Variants in RTL4 observed in about 807,000 individuals in gnomAD.
RTL4 encodes the protein retrotransposon Gag-like protein 4.
Under a neutral mutation model 5.3 loss-of-function variants are expected in RTL4, and 4 were observed. The ratio of observed to expected loss-of-function variants is 0.75; its 90% CI spans 0.37 to 1.72. RTL4 has a LOEUF of 1.72. Among genes scored for constraint, RTL4 ranks in the 40% most tolerant of loss-of-function variants. The pLI, the probability that RTL4 is intolerant of heterozygous loss-of-function variation, is 0.04. For synonymous variants in RTL4, 98 were observed against 87.3 expected (o/e 1.12, Z -0.68); for missense variants, 260 against 227.1 (o/e 1.14, Z -0.93).
chrX:112,214,547 A>G, the RTL4 span, among the ~76,000 whole-genome samples: 8 of 112,151 alleles, frequency 7.1e-5, no homozygotes, highest in Admixed American at 2.8e-4. Flanking sequence ...AGATTGCTGG[A>G]TCATATGGTA....
the RTL4 span, among the ~76,000 whole-genome samples, chrX:112,293,248 A>G: frequency 8.9e-6 from 1 of 112,468 alleles, no homozygotes; most frequent in South Asian, 3.7e-4. Flanking sequence ...TGGCTAAGTC[A>G]GAGAAGGTCT....
the RTL4 span, among the ~76,000 whole-genome samples, chrX:112,132,887 C>T: frequency 8.9e-6 from 1 of 112,621 alleles, no homozygotes; most frequent in Non-Finnish European, 1.9e-5. Flanking sequence ...CCAGTGCCCA[C>T]TGGCGGTCAA....
the RTL4 span, among the ~76,000 whole-genome samples, chrX:112,233,371 A>ATT: frequency 0.15 from 15,656 of 106,739 alleles, 848 homozygotes; most frequent in Non-Finnish European, 0.17. Context: ...GTCTAAACAC[A>ATT]TTTTTTTTTT....
chrX:112,317,914 C>CTTTA, the RTL4 span, among the ~76,000 whole-genome samples: 4 of 111,902 alleles, frequency 3.6e-5, no homozygotes, highest in African/African-American at 1.3e-4. Flanking sequence ...CATCCAACAA[C>CTTTA]TTTATTTGTG....
At chrX:112,449,146 C>A in the RTL4 span, among the ~76,000 whole-genome samples, 603 of 111,950 alleles carry the variant, frequency 5.4e-3, 4 homozygotes, top group Non-Finnish European at 8.2e-3. Context: ...CTCAGCTGGG[C>A]TGCTCCAGCT....
At chrX:112,316,889 AG>A in the RTL4 span, among the ~76,000 whole-genome samples, 3 of 111,857 alleles carry the variant, frequency 2.7e-5, no homozygotes, top group Non-Finnish European at 5.6e-5. Context: ...AATCAGAACA[AG>A]GGGAAGATTA....
chrX:112,443,708 CAT>C, the RTL4 span, among the ~76,000 whole-genome samples: 1 of 112,138 alleles, frequency 8.9e-6, no homozygotes, highest in South Asian at 3.6e-4. Flanking sequence ...CACCTTTTCA[CAT>C]GTTTATTTTT....
the RTL4 span, among the ~76,000 whole-genome samples, chrX:112,298,165 T>G: frequency 9.0e-6 from 1 of 111,583 alleles, no homozygotes; most frequent in Non-Finnish European, 1.9e-5. Context: ...CCCCAAACAT[T>G]AAGCAATATA....
At chrX:112,399,569 G>A in the RTL4 span, among the ~76,000 whole-genome samples, 9 of 111,088 alleles carry the variant, frequency 8.1e-5, no homozygotes, top group Admixed American at 3.8e-4. Flanking sequence ...TCCTTGACCC[G>A]TGTTTTTTAA....
At chrX:112,387,977 TA>T in the RTL4 span, among the ~76,000 whole-genome samples, 1 of 112,390 alleles carries the variant, frequency 8.9e-6, no homozygotes, top group Non-Finnish European at 1.9e-5. Context: ...AGTAGTTTGA[TA>T]GAAGAGCATG....
At chrX:112,244,958 T>C in the RTL4 span, among the ~76,000 whole-genome samples, 1 of 111,926 alleles carries the variant, frequency 8.9e-6, no homozygotes, top group African/African-American at 3.2e-5. Flanking sequence ...TTATGAAGCT[T>C]AATTTGGGGG....
chrX:112,396,927 C>G, the RTL4 span, among the ~76,000 whole-genome samples: 1 of 111,333 alleles, frequency 9.0e-6, no homozygotes, highest in African/African-American at 3.3e-5. Flanking sequence ...TGATGTTTTT[C>G]TTATAATTAG....
chrX:112,222,759 T>G, the RTL4 span, among the ~76,000 whole-genome samples: 7 of 111,415 alleles, frequency 6.3e-5, no homozygotes, highest in Non-Finnish European at 1.3e-4. Flanking sequence ...AAGATATTCC[T>G]TTCATTCGTA....
At chrX:112,362,920 G>A in the RTL4 span, among the ~76,000 whole-genome samples, 1 of 110,954 alleles carries the variant, frequency 9.0e-6, no homozygotes, top group African/African-American at 3.3e-5. Context: ...CTAACATGCA[G>A]AAATACCATC....
the RTL4 span, among the ~76,000 whole-genome samples, chrX:112,435,393 T>C: frequency 8.9e-6 from 1 of 112,615 alleles, no homozygotes; most frequent in South Asian, 3.7e-4. Context: ...TGTGTGATTA[T>C]TTATAATTTA....
At chrX:112,432,000 G>A in the RTL4 span, among the ~76,000 whole-genome samples, 395 of 103,226 alleles carry the variant, frequency 3.8e-3, 8 homozygotes, top group Admixed American at 0.037. Flanking sequence ...TTGTTCTTGC[G>A]ATAGTTTACT....
the RTL4 span, among the ~76,000 whole-genome samples, chrX:112,133,905 A>T: frequency 2.7e-5 from 3 of 111,850 alleles, no homozygotes; most frequent in Non-Finnish European, 5.6e-5. Context: ...TAGCTTTCCC[A>T]TTCTGCTCTC....
At chrX:112,257,306 G>T in the RTL4 span, among the ~76,000 whole-genome samples, 3 of 111,470 alleles carry the variant, frequency 2.7e-5, no homozygotes, top group African/African-American at 9.8e-5. Context: ...GCAGTCTTCA[G>T]ATATATCAAA....
At chrX:112,127,236 T>C in the RTL4 span, among the ~76,000 whole-genome samples, 1 of 111,693 alleles carries the variant, frequency 9.0e-6, no homozygotes, top group Non-Finnish European at 1.9e-5. Flanking sequence ...GTGGGGTTTA[T>C]TCCAGAAATG....
Sources: gnomAD v4.1 joint callset for allele counts (sites outside exome capture counted in the v4.1 genomes callset) on GRCh38, gnomAD v4.1.1 for gene constraint, MANE v1.5 for transcripts, NCBI Gene and HGNC (gene_info 2026-07-23, HGNC 2026-07-21) for gene names.